The following ERBB4 variants were observed in gnomAD, a reference collection of about 807,000 sequenced individuals.
ERBB4 encodes erb-b2 receptor tyrosine kinase 4, also known as receptor tyrosine-protein kinase erbB-4.
In ERBB4, 42 loss-of-function variants were observed where a neutral mutation model predicts 158.0. The observed-to-expected ratio is 0.27, with a 90% CI of 0.21 to 0.34. The LOEUF (loss-of-function observed/expected upper bound fraction) is 0.34, where lower values mean the gene tolerates loss of function less well. Ranked by LOEUF, ERBB4 falls within the 10% of genes least tolerant of loss-of-function variation. ERBB4 has a pLI of 1.00. For missense variants in ERBB4, 1,333 were observed against 1,624.1 expected (o/e 0.82, Z 3.08); for synonymous variants, 583 against 558.7 (o/e 1.04, Z -0.61).
At chr2:212,479,011 G>C (rs937001362) in intron 1 of ERBB4, among the ~76,000 whole-genome samples, 2 of 152,078 alleles carry the variant, frequency 1.3e-5, no homozygotes, top group Non-Finnish European at 2.9e-5. Context: ...TTGCCCCACT[G>C]GGCACTATGC....
intron 1 of ERBB4, among the ~76,000 whole-genome samples, chr2:212,518,217 C>T (rs1231283331): frequency 2.6e-5 from 4 of 151,966 alleles, no homozygotes; most frequent in African/African-American, 7.2e-5. Flanking sequence ...AATAAGCACA[C>T]GTCAGCTTGC....
intron 7 of ERBB4, among the ~76,000 whole-genome samples, chr2:211,716,590 G>C (rs1427634993): frequency 2.7e-5 from 4 of 149,422 alleles, no homozygotes; most frequent in African/African-American, 9.9e-5. Flanking sequence ...GCAGGAGAAT[G>C]GCGTGAACCC....
chr2:211,978,388 G>GTCTTTCTA (rs1230858327), intron 2 of ERBB4, among the ~76,000 whole-genome samples: 12 of 112,394 alleles, frequency 1.1e-4, no homozygotes, highest in East Asian at 9.7e-4. Flanking sequence ...CTGTCTGTCT[G>GTCTTTCTA]TCTGTCTGTC....
At chr2:211,708,214 A>G (rs2106063466) in intron 9 of ERBB4, among the ~76,000 whole-genome samples, 1 of 152,262 alleles carries the variant, frequency 6.6e-6, no homozygotes, top group African/African-American at 2.4e-5. Flanking sequence ...CTAAGATGAA[A>G]CAGAAAGGCT....
At chr2:212,310,643 G>A (rs10190006) in intron 1 of ERBB4, among the ~76,000 whole-genome samples, 22,093 of 123,386 alleles carry the variant, frequency 0.18, 2,341 homozygotes, top group African/African-American at 0.31. Flanking sequence ...GTGTGTGTGT[G>A]TATATATATA....
intron 1 of ERBB4, among the ~76,000 whole-genome samples, chr2:212,419,676 A>C (rs2091747041): frequency 1.3e-5 from 2 of 151,874 alleles, no homozygotes; most frequent in Non-Finnish European, 2.9e-5. Flanking sequence ...TTTAATAATC[A>C]TTTTGAGGAC....
At chr2:211,408,140 T>C (rs193196025) in intron 25 of ERBB4, among the ~76,000 whole-genome samples, 12 of 152,250 alleles carry the variant, frequency 7.9e-5, no homozygotes, top group African/African-American at 2.9e-4. Flanking sequence ...TCCAAAAAAT[T>C]TGAATAGAAA....
chr2:211,555,961 C>T (rs896407283), intron 20 of ERBB4, among the ~76,000 whole-genome samples: 6 of 152,188 alleles, frequency 3.9e-5, no homozygotes, highest in African/African-American at 1.2e-4. Context: ...ATCAAATCCA[C>T]ACATTTCAAT....
chr2:212,037,682 C>A (rs1048263100), intron 2 of ERBB4, among the ~76,000 whole-genome samples: 1 of 152,164 alleles, frequency 6.6e-6, no homozygotes, highest in African/African-American at 2.4e-5. Context: ...TTGACATAAA[C>A]TTCTTATGTG....
intron 25 of ERBB4, among the ~76,000 whole-genome samples, chr2:211,415,660 AAATCT>A: frequency 1.3e-5 from 2 of 152,310 alleles, no homozygotes; most frequent in South Asian, 2.1e-4. Context: ...TAAAGTTATG[AAATCT>A]AATCTGAGAG....
intron 16 of ERBB4, among the ~76,000 whole-genome samples, chr2:211,640,161 T>A (rs1411226106): frequency 6.6e-6 from 1 of 152,204 alleles, no homozygotes; most frequent in Non-Finnish European, 1.5e-5. Context: ...AAGAAGATTT[T>A]TTTAAAAATA....
chr2:211,681,348 T>C (rs1025303828), intron 12 of ERBB4, among the ~76,000 whole-genome samples: 3 of 152,188 alleles, frequency 2.0e-5, no homozygotes, highest in Non-Finnish European at 4.4e-5. Flanking sequence ...TGTATGGGCA[T>C]ACACTTTCTT....
chr2:212,445,745 G>A (rs749439113), intron 1 of ERBB4, among the ~76,000 whole-genome samples: 4 of 152,180 alleles, frequency 2.6e-5, no homozygotes, highest in Non-Finnish European at 4.4e-5. Context: ...AGGAATGAAG[G>A]TTTGGGTCAC....
At chr2:212,106,034 T>G (rs917661197) in intron 2 of ERBB4, among the ~76,000 whole-genome samples, 4 of 152,220 alleles carry the variant, frequency 2.6e-5, no homozygotes, top group African/African-American at 7.2e-5. Context: ...TTACACAGTC[T>G]CAGGTATATC....
chr2:212,398,176 G>T (rs2091087262), intron 1 of ERBB4, among the ~76,000 whole-genome samples: 1 of 151,432 alleles, frequency 6.6e-6, no homozygotes, highest in Non-Finnish European at 1.5e-5. Context: ...TAACCTCAAA[G>T]TTGGAAAAGA....
At chr2:211,766,933 G>T (rs2075563587) in intron 4 of ERBB4, among the ~76,000 whole-genome samples, 1 of 152,154 alleles carries the variant, frequency 6.6e-6, no homozygotes, top group Admixed American at 6.5e-5. Context: ...GCATAGGGGT[G>T]TGACTTGGTA....
At chr2:212,538,345 T>A in intron 1 of ERBB4, 104 bp downstream of exon 1, 1 of 998,456 alleles carries the variant, frequency 1.0e-6, no homozygotes, top group Middle Eastern at 2.7e-4. Flanking sequence ...GGTCAAGCGG[T>A]CCCTCCACGC....
chr2:211,629,015 T>C (rs1295959636), intron 17 of ERBB4, among the ~76,000 whole-genome samples: 1 of 152,136 alleles, frequency 6.6e-6, no homozygotes, highest in East Asian at 1.9e-4. Flanking sequence ...TTTGATGGGG[T>C]TGTTTGTTTT....
intron 2 of ERBB4, among the ~76,000 whole-genome samples, chr2:212,044,451 C>A (rs944497527): frequency 6.6e-6 from 1 of 152,122 alleles, no homozygotes; most frequent in South Asian, 2.1e-4. Flanking sequence ...ACCTAACCCT[C>A]CCCCTTTTGA....
Sources: allele counts gnomAD v4.1 joint callset (sites outside exome capture counted in the v4.1 genomes callset), GRCh38; gene constraint gnomAD v4.1.1; transcripts MANE v1.5; gene names NCBI Gene and HGNC (gene_info 2026-07-23, HGNC 2026-07-21).